Variants in ADARB2 observed in about 807,000 individuals in gnomAD.
ADARB2 encodes adenosine deaminase RNA specific B2 (inactive).
Under a neutral mutation model 62.2 loss-of-function variants are expected in ADARB2, and 25 were observed. The observed-to-expected ratio is 0.40, with a 90% CI of 0.29 to 0.56. ADARB2 has a LOEUF of 0.56. Among genes scored for constraint, ADARB2 ranks in the 20% least tolerant of loss-of-function variants. The probability of loss-of-function intolerance (pLI) is 0.43; values close to 1 mark genes in which losing one functional copy is unlikely to be tolerated. For missense variants in ADARB2, 1,071 were observed against 1,077.4 expected (o/e 0.99, Z 0.08); for synonymous variants, 572 against 500.8 (o/e 1.14, Z -1.90).
rs557292148 is a variant in ADARB2 at position 1,316,858 on chromosome 10, G to C, written c.1078-45789C>G. Among the ~76,000 whole-genome samples the C allele has an allele frequency of 3.3e-5, 5 of 152,274 alleles. No homozygotes were observed. In the East Asian group the frequency reaches 9.7e-4, roughly 29 times the overall value. The stretch of plus-strand genomic sequence containing the variant: ...TGATAGATTTTCCCATTGTTTTTCC[G>C]CGAATGAGTAATGTGCTTAGCTCCT... On this transcript the variant is annotated intron_variant, in intron 3 of 9. Transcript: ENST00000381312.
chr10:1,261,312 T>G (rs9419481), intron 4 of ADARB2, among the ~76,000 whole-genome samples: 2 of 149,868 alleles, frequency 1.3e-5, no homozygotes, highest in African/African-American at 2.5e-5. Context: ...TGGGATCTAA[T>G]TAAACTAAAG....
At chr10:1,369,314 C>A (rs1832344037) in intron 2 of ADARB2, among the ~76,000 whole-genome samples, 1 of 152,148 alleles carries the variant, frequency 6.6e-6, no homozygotes, top group South Asian at 2.1e-4. Flanking sequence ...TGTTGACGCA[C>A]CTGCTTGGTG....
intron 1 of ADARB2, among the ~76,000 whole-genome samples, chr10:1,546,560 C>G (rs1255251022): frequency 2.0e-5 from 3 of 152,264 alleles, no homozygotes; most frequent in African/African-American, 7.2e-5. Flanking sequence ...CCACAAGTCA[C>G]TGGAGAAGGG....
intron 1 of ADARB2, among the ~76,000 whole-genome samples, chr10:1,663,663 A>C (rs4880905): frequency 2.4e-4 from 36 of 151,288 alleles, no homozygotes; most frequent in Non-Finnish European, 4.7e-4. Context: ...TCTGTCACCC[A>C]GGCTAGAGTG....
intron 1 of ADARB2, among the ~76,000 whole-genome samples, chr10:1,659,159 T>A (rs1648948125): frequency 6.6e-6 from 1 of 152,140 alleles, no homozygotes; most frequent in South Asian, 2.1e-4. Context: ...CACAGGGGAC[T>A]GGAGGGAAAA....
In ADARB2 at chr10:1,410,977, A is replaced by T. The variant is rs540155494; in HGVS notation, c.101-31817T>A. On this transcript the variant is annotated intron_variant, in intron 1 of 9. Coordinates refer to ENST00000381312, the MANE Select transcript of ADARB2 (RefSeq NM_018702.4). ...CGAAGGGCTGAGTCTCAGATCCCGGACTTTGGTGCAGAGCAGGAAGACCTG... is the reference window on the plus strand; with the variant it reads ...CGAAGGGCTGAGTCTCAGATCCCGGTCTTTGGTGCAGAGCAGGAAGACCTG... Among the ~76,000 whole-genome samples the T allele has an allele frequency of 2.0e-5, 3 of 152,212 alleles. No homozygotes were observed. The South Asian group carries it at 6.2e-4, about 32-fold the overall frequency.
At chr10:1,390,800 G>T (rs1217172148) in intron 1 of ADARB2, among the ~76,000 whole-genome samples, 1 of 152,244 alleles carries the variant, frequency 6.6e-6, no homozygotes, top group African/African-American at 2.4e-5. Flanking sequence ...AGTGAAGGGG[G>T]AGTAACCAGT....
chr10:1,445,235 C>T (rs2459563), intron 1 of ADARB2, among the ~76,000 whole-genome samples: 149,198 of 150,940 alleles, frequency 0.99, 73,751 homozygotes, highest in East Asian at 1. Context: ...TCATTCACCA[C>T]CCATCCATCT....
intron 1 of ADARB2, among the ~76,000 whole-genome samples, chr10:1,606,280 T>C (rs1476804408): frequency 6.6e-6 from 1 of 152,060 alleles, no homozygotes; most frequent in Admixed American, 6.6e-5. Context: ...AAGTGCAAAG[T>C]CAAGCCCCAG....
chr10:1,272,661 C>T (rs1831274110), intron 3 of ADARB2, among the ~76,000 whole-genome samples: 1 of 152,198 alleles, frequency 6.6e-6, no homozygotes, highest in Non-Finnish European at 1.5e-5. Flanking sequence ...AAAGGCACCC[C>T]GACCTTTCAG....
At chr10:1,594,455 C>A (rs1437582162) in intron 1 of ADARB2, among the ~76,000 whole-genome samples, 3 of 152,136 alleles carry the variant, frequency 2.0e-5, no homozygotes, top group African/African-American at 7.2e-5. Context: ...CACCTCAAGT[C>A]TCCAAGAGCA....
At chr10:1,578,662 A>AACACAC (rs142639523) in intron 1 of ADARB2, among the ~76,000 whole-genome samples, 309 of 145,066 alleles carry the variant, frequency 2.1e-3, no homozygotes, top group African/African-American at 7.2e-3. Context: ...TGTTACCCCA[A>AACACAC]ACACACACAC....
At chr10:1,628,132 C>T (rs1184041568) in intron 1 of ADARB2, among the ~76,000 whole-genome samples, 1 of 152,254 alleles carries the variant, frequency 6.6e-6, no homozygotes, top group Non-Finnish European at 1.5e-5. Flanking sequence ...GCAGCAGGTG[C>T]CTGAGGGGCT....
At chr10:1,227,438 C>G (rs1302076763) in intron 6 of ADARB2, among the ~76,000 whole-genome samples, 1 of 152,206 alleles carries the variant, frequency 6.6e-6, no homozygotes, top group African/African-American at 2.4e-5. Context: ...TGGCACTCCC[C>G]AGTGAGATGA....
At chr10:1,711,231 A>T (rs992863554) in intron 1 of ADARB2, among the ~76,000 whole-genome samples, 1 of 152,172 alleles carries the variant, frequency 6.6e-6, no homozygotes, top group African/African-American at 2.4e-5. Flanking sequence ...CACTTAAAAC[A>T]TGAGAAGCTG....
intron 1 of ADARB2, among the ~76,000 whole-genome samples, chr10:1,576,369 G>T (rs3122284): frequency 6.7e-6 from 1 of 149,922 alleles, no homozygotes; most frequent in African/African-American, 2.5e-5. Context: ...AGTGGCTTAG[G>T]GTCACAGGAG....
intron 1 of ADARB2, among the ~76,000 whole-genome samples, chr10:1,694,350 G>A (rs532552898): frequency 6.6e-6 from 1 of 152,208 alleles, no homozygotes; most frequent in Non-Finnish European, 1.5e-5. Flanking sequence ...CCATTGCCTT[G>A]CAAACTGTCA....
intron 8 of ADARB2, among the ~76,000 whole-genome samples, chr10:1,188,964 C>T (rs1836800997): frequency 6.6e-6 from 1 of 152,156 alleles, no homozygotes; most frequent in Admixed American, 6.6e-5. Flanking sequence ...ACGCTGGGGC[C>T]CAGCCCTCCC....
chr10:1,471,642 C>T (rs930249911), intron 1 of ADARB2, among the ~76,000 whole-genome samples: 18 of 152,218 alleles, frequency 1.2e-4, no homozygotes, highest in Non-Finnish European at 2.4e-4. Flanking sequence ...ATCCTCCCGC[C>T]TTGGCCTCCC....
Sources: allele counts gnomAD v4.1 joint callset (sites outside exome capture counted in the v4.1 genomes callset), GRCh38; gene constraint gnomAD v4.1.1; transcripts MANE v1.5; gene names NCBI Gene and HGNC (gene_info 2026-07-23, HGNC 2026-07-21).